Variants in SYK observed in about 807,000 individuals in gnomAD.
The protein encoded by SYK is tyrosine-protein kinase SYK.
SYK carries 16 observed loss-of-function variants against 77.8 expected under a neutral mutation model. That is an observed-to-expected ratio of 0.21 (90% CI 0.14 to 0.31). SYK has a LOEUF of 0.31. Ranked by LOEUF, SYK falls within the 10% of genes least tolerant of loss-of-function variation. SYK has a pLI of 1.00. For missense variants in SYK, 529 were observed against 814.4 expected, an observed-to-expected ratio of 0.65 and a Z score of 4.26; for synonymous variants, 312 against 308.7, an observed-to-expected ratio of 1.01 and a Z score of -0.11.
rs1185055724 is a variant in SYK at position 90,829,769 on chromosome 9, G to A, written c.-41-14089G>A. Among the ~76,000 whole-genome samples, 4 of 152,158 alleles carry A rather than the reference G, an allele frequency of 2.6e-5. No individual in the cohort carries two copies. In the East Asian group the frequency reaches 7.7e-4, roughly 29 times the overall value. On this transcript the variant is annotated intron_variant, in intron 1 of 13. Transcript: ENST00000375754. ...GTAAATTAAATGCACCAGATGGGCT[G>A]GTTGTTTATTTATAACTACACAGTT...
intron 3 of SYK, 54 bp downstream of exon 3, chr9:90,845,648 T>TG: frequency 6.3e-7 from 1 of 1,586,182 alleles, no homozygotes; most frequent in Non-Finnish European, 8.6e-7. Flanking sequence ...TGTGGACAAT[T>TG]GGGAATAATT....
At chr9:90,818,329 A>C (rs1415547060) in intron 1 of SYK, among the ~76,000 whole-genome samples, 5 of 152,252 alleles carry the variant, frequency 3.3e-5, no homozygotes. Context: ...ACAAATAAGC[A>C]GGAAACAACT....
chr9:90,813,792 C>T (rs902523546), intron 1 of SYK, among the ~76,000 whole-genome samples: 8 of 152,072 alleles, frequency 5.3e-5, no homozygotes, highest in African/African-American at 1.9e-4. Context: ...TGACTCTTGC[C>T]CAACAGTATC....
rs963255267 is a variant in SYK, at chr9:90,878,957, A to C, written c.1581+4A>C. The C allele has an allele frequency of 6.3e-7, 1 of 1,593,334 alleles. No homozygotes were observed. Among genetic ancestry groups the C allele is most frequent in the Non-Finnish European group, 8.6e-7 (1 of 1,162,416 alleles). On this transcript the variant is annotated splice_donor_region_variant and intron_variant, in intron 11 of 13. Transcript: ENST00000375754. ...TGCTGATGAAAACTACTACAAGGTA[A>C]GTACAACTTAGCTAATATTCAGAGC... is the stretch of plus-strand genomic sequence containing the variant.
chr9:90,837,788 T>C (rs1305990690), intron 1 of SYK, among the ~76,000 whole-genome samples: 1 of 152,080 alleles, frequency 6.6e-6, no homozygotes, highest in Non-Finnish European at 1.5e-5. Context: ...GAATATATTT[T>C]AAAGAAAAGC....
At position 90,895,549 on chromosome 9, in the gene SYK, C is replaced by T. The variant is rs374945682; in HGVS notation, c.1857C>T (p.Phe619=). ...WTYDVENRPG[F]AAVELRLRNY... ...CCAGTGTGGAAAACAGGCCCGGATTCGCAGCAGTGGAACTGCGGCTGCGCA... is the reference window on the plus strand; with the variant it reads ...CCAGTGTGGAAAACAGGCCCGGATTTGCAGCAGTGGAACTGCGGCTGCGCA... The change falls in exon 14 of 14, where the codon TTC becomes TTT. Residue 619 remains phenylalanine (F), a synonymous_variant. Transcript: ENST00000375754. This position sits in a 1 kb window ranked among gnomAD's most constrained non-coding sequence, Gnocchi z 4.4. 4.8e-5 allele frequency: 78 copies of T among 1,614,010 alleles called. No homozygotes were observed. The Admixed American group carries it at 7.2e-4, about 15-fold the overall frequency.
At chr9:90,864,777 G>A (rs927216037) in intron 5 of SYK, 110 bp downstream of exon 5, 128 of 926,144 alleles carry the variant, frequency 1.4e-4, no homozygotes, top group Middle Eastern at 2.2e-4. Context: ...TTCTTTTTAC[G>A]GGTTGATTAA....
rs1457643407 is a variant in SYK at position 90,897,968 on chromosome 9, T to C, written c.*2368T>C. On this transcript the variant is annotated 3_prime_UTR_variant, in exon 14 of 14. Coordinates refer to ENST00000375754, the MANE Select transcript of SYK (RefSeq NM_003177.7). ...ATTGGTCATGTGAAAAGGGCTACAT[T>C]TGGGAAGCTGGGAAAGGCCTCCAGG... 2.6e-5 allele frequency: 6 copies of C among 229,056 alleles called. No homozygotes were observed. Among genetic ancestry groups the C allele is most frequent in the Admixed American group, 1.1e-4 (2 of 17,646 alleles). The allele number at this position is 229,056 out of a possible 1,614,324, so 14.2% of individuals were successfully genotyped here. A position where few individuals can be genotyped will look rare whatever the true frequency, so the allele number is the denominator to read the frequency against.
rs1554714426 is a variant in SYK, at chr9:90,884,340, C to CACATAT, written c.1582-3406_1582-3405insTATACA. 4.0e-5 allele frequency among the ~76,000 whole-genome samples: 5 copies of CACATAT among 124,678 alleles called. No homozygotes were observed. The South Asian group carries it at 1.1e-3, about 27-fold the overall frequency. The allele number at this position is 124,678 out of a possible 152,430, so 81.8% of individuals were successfully genotyped here. A position where few individuals can be genotyped will look rare whatever the true frequency, so the allele number is the denominator to read the frequency against. On this transcript the variant is annotated intron_variant, in intron 11 of 13. Coordinates refer to ENST00000375754, the MANE Select transcript of SYK (RefSeq NM_003177.7). The stretch of plus-strand genomic sequence containing the variant: ...ACACATACACATACGTGTATATATA[C>CACATAT]ACACATACACATACGTGTATACATA...
chr9:90,818,969 G>A (rs886232260), intron 1 of SYK, among the ~76,000 whole-genome samples: 2 of 152,202 alleles, frequency 1.3e-5, no homozygotes, highest in Non-Finnish European at 2.9e-5. Context: ...CTGATTTTTG[G>A]TATATGTAAA....
intron 1 of SYK, among the ~76,000 whole-genome samples, chr9:90,810,598 A>G (rs1825035746): frequency 6.6e-6 from 1 of 150,766 alleles, no homozygotes; most frequent in Non-Finnish European, 1.5e-5. Context: ...GGAGCTCTCC[A>G]GATATGGAGA....
intron 1 of SYK, among the ~76,000 whole-genome samples, chr9:90,807,050 A>G (rs146755550): frequency 7.3e-4 from 111 of 152,382 alleles, no homozygotes; most frequent in Non-Finnish European, 1.1e-3. Flanking sequence ...ATGCTGAATG[A>G]AATAAAGTGC....
intron 1 of SYK, among the ~76,000 whole-genome samples, chr9:90,833,469 C>G (rs557562469): frequency 6.6e-6 from 1 of 152,276 alleles, no homozygotes; most frequent in Admixed American, 6.5e-5. Flanking sequence ...GCTCAGCCCC[C>G]CTTCATCATG....
At chr9:90,834,285 T>C (rs1161418469) in intron 1 of SYK, among the ~76,000 whole-genome samples, 1 of 152,188 alleles carries the variant, frequency 6.6e-6, no homozygotes, top group Non-Finnish European at 1.5e-5. Flanking sequence ...CACCATGACT[T>C]ATCCTTCCCT....
intron 1 of SYK, among the ~76,000 whole-genome samples, chr9:90,836,244 G>T (rs1421410784): frequency 6.7e-6 from 1 of 149,084 alleles, no homozygotes; most frequent in East Asian, 2.0e-4. Context: ...CCGAGATTGT[G>T]CCACTGCACT....
At chr9:90,812,493 G>T (rs1825118577) in intron 1 of SYK, among the ~76,000 whole-genome samples, 1 of 152,104 alleles carries the variant, frequency 6.6e-6, no homozygotes, top group African/African-American at 2.4e-5. Flanking sequence ...GGTGCTCTGG[G>T]GTGCAGCCTG....
At chr9:90,820,183 G>C (rs1825458029) in intron 1 of SYK, among the ~76,000 whole-genome samples, 1 of 152,202 alleles carries the variant, frequency 6.6e-6, no homozygotes. Context: ...GGTTGGCATT[G>C]AGTGTCTGTG....
In SYK at chr9:90,855,697, T is replaced by A. The variant is rs199812492; in HGVS notation, c.579-6509T>A. On this transcript the variant is annotated intron_variant, in intron 3 of 13. Transcript: ENST00000375754. ...GTGTGTGTGTGTGTGTGGGTGTGTG[T>A]GAGAGAGAGAGAGAGAGAGAGACAG... is the stretch of plus-strand genomic sequence containing the variant. 1.9e-3 allele frequency among the ~76,000 whole-genome samples: 287 copies of A among 150,188 alleles called. 6 individuals carry two copies. In the East Asian group the frequency reaches 0.033, roughly 17 times the overall value.
intron 1 of SYK, among the ~76,000 whole-genome samples, chr9:90,840,025 G>A (rs1826234082): frequency 1.3e-5 from 2 of 152,178 alleles, no homozygotes; most frequent in African/African-American, 2.4e-5. Flanking sequence ...CAGGAGGGCA[G>A]AAGGTGAGGA....
Sources: allele counts gnomAD v4.1 joint callset (sites outside exome capture counted in the v4.1 genomes callset), GRCh38; gene constraint gnomAD v4.1.1; non-coding constraint Gnocchi (gnomAD v3.1); transcripts MANE v1.5; gene names NCBI Gene and HGNC (gene_info 2026-07-23, HGNC 2026-07-21).